CDH12: variants seen among roughly 807,000 people sequenced by gnomAD.
The protein encoded by CDH12 is cadherin-12.
In CDH12, 41 loss-of-function variants were observed where a neutral mutation model predicts 74.1. The ratio of observed to expected loss-of-function variants is 0.55; its 90% CI spans 0.43 to 0.72. The LOEUF (loss-of-function observed/expected upper bound fraction) is 0.72. Among genes scored for constraint, CDH12 ranks in the 30% least tolerant of loss-of-function variants. The pLI, the probability that CDH12 is intolerant of heterozygous loss-of-function variation, is 0.00. For missense variants in CDH12, 945 were observed against 977.2 expected, an observed-to-expected ratio of 0.97 and a Z score of 0.44; for synonymous variants, 399 against 355.0, an observed-to-expected ratio of 1.12 and a Z score of -1.39.
At chr5:22,013,004 C>T (rs2150154216) in intron 5 of CDH12, among the ~76,000 whole-genome samples, 1 of 148,018 alleles carries the variant, frequency 6.8e-6, no homozygotes, top group African/African-American at 2.5e-5. Context: ...AATTGTATTA[C>T]AATTTATACC....
chr5:22,602,458 G>T lies in CDH12; in HGVS notation c.-522-97094C>A, dbSNP rs571218166. 4.2e-4 allele frequency among the ~76,000 whole-genome samples: 64 copies of T among 152,198 alleles called. No individual in the cohort carries two copies. The South Asian group carries it at 8.3e-3, about 20-fold the overall frequency. Reference sequence around the variant, plus strand: ...AGCAAGTAAGTACAAAATGAAGCTTGCTTGTTGTTTTATCATTTCCTCCAG... The same window carrying T: ...AGCAAGTAAGTACAAAATGAAGCTTTCTTGTTGTTTTATCATTTCCTCCAG... On this transcript the variant is annotated intron_variant, in intron 1 of 14. Coordinates refer to ENST00000382254, the MANE Select transcript of CDH12 (RefSeq NM_004061.5).
chr5:22,447,634 T>G (rs919141603), intron 2 of CDH12, among the ~76,000 whole-genome samples: 2 of 152,096 alleles, frequency 1.3e-5, no homozygotes, highest in African/African-American at 2.4e-5. Context: ...AACTATTTTT[T>G]AAATTTGGCT....
chr5:22,283,185 T>A (rs1306744744), intron 3 of CDH12, among the ~76,000 whole-genome samples: 1 of 134,206 alleles, frequency 7.5e-6, no homozygotes, highest in Non-Finnish European at 1.6e-5. Context: ...AACAAATAAT[T>A]CCTGGAGGAA....
chr5:22,605,719 C>G (rs985710825), intron 1 of CDH12, among the ~76,000 whole-genome samples: 1 of 152,258 alleles, frequency 6.6e-6, no homozygotes, highest in Non-Finnish European at 1.5e-5. Context: ...AAAGTCAGGC[C>G]ATCGCTCCAC....
intron 4 of CDH12, among the ~76,000 whole-genome samples, chr5:22,204,162 G>GGTTTTTTTTTTTTTTTTTTTT (rs1554020485): frequency 1.5e-5 from 2 of 129,844 alleles, no homozygotes. Flanking sequence ...TGTTTTGTTT[G>GGTTTTTTTTTTTTTTTTTTTT]TTTTTTTTTT....
intron 1 of CDH12, among the ~76,000 whole-genome samples, chr5:22,513,097 T>A (rs1005089435): frequency 1.3e-5 from 2 of 152,084 alleles, no homozygotes; most frequent in Non-Finnish European, 2.9e-5. Flanking sequence ...AAAAACACCA[T>A]GTTATAAAAG....
intron 9 of CDH12, 86 bp downstream of exon 9, chr5:21,816,859 A>G: frequency 1.0e-6 from 1 of 997,046 alleles, no homozygotes; most frequent in South Asian, 1.9e-5. Context: ...AAGGAAAATT[A>G]AAATTACTTG....
intron 3 of CDH12, among the ~76,000 whole-genome samples, chr5:22,393,252 C>A (rs1217040180): frequency 2.6e-5 from 4 of 151,532 alleles, no homozygotes; most frequent in African/African-American, 9.7e-5. Flanking sequence ...ACAATTTTAC[C>A]AAAAAAAGGA....
At chr5:22,742,305 A>G (rs1386100005) in intron 1 of CDH12, among the ~76,000 whole-genome samples, 1 of 152,184 alleles carries the variant, frequency 6.6e-6, no homozygotes, top group African/African-American at 2.4e-5. Context: ...TGTCACTGCA[A>G]TCAAGATCCT....
chr5:22,627,464 T>C (rs1371296326), intron 1 of CDH12, among the ~76,000 whole-genome samples: 1 of 149,170 alleles, frequency 6.7e-6, no homozygotes, highest in Non-Finnish European at 1.5e-5. Flanking sequence ...AAAAAGAAAC[T>C]CTGATCAAGG....
chr5:21,768,253 T>C (rs530330305), intron 11 of CDH12, among the ~76,000 whole-genome samples: 2 of 151,932 alleles, frequency 1.3e-5, no homozygotes, highest in African/African-American at 2.4e-5. Context: ...TTGAGGCTCA[T>C]ATCAGATAAC....
At chr5:22,389,438 T>C (rs756246071) in intron 3 of CDH12, among the ~76,000 whole-genome samples, 2 of 152,122 alleles carry the variant, frequency 1.3e-5, no homozygotes, top group Non-Finnish European at 2.9e-5. Flanking sequence ...ATGAATGATA[T>C]GGATTCTAGA....
intron 4 of CDH12, among the ~76,000 whole-genome samples, chr5:22,093,719 T>C (rs1375637631): frequency 6.6e-6 from 1 of 152,134 alleles, no homozygotes; most frequent in Non-Finnish European, 1.5e-5. Flanking sequence ...ACTATGTGAA[T>C]ATAGTAATAA....
intron 1 of CDH12, among the ~76,000 whole-genome samples, chr5:22,832,236 TG>T (rs1290294830): frequency 1.3e-5 from 2 of 152,178 alleles, no homozygotes; most frequent in Non-Finnish European, 2.9e-5. Context: ...AAAATGTAGT[TG>T]CTTGGAAGAT....
chr5:22,060,749 C>A (rs114139265), intron 5 of CDH12, among the ~76,000 whole-genome samples: 8 of 151,988 alleles, frequency 5.3e-5, no homozygotes, highest in Non-Finnish European at 1.0e-4. Flanking sequence ...GTTTATATAG[C>A]AAACAACATT....
chr5:22,015,531 C>A (rs779150206), intron 5 of CDH12, among the ~76,000 whole-genome samples: 11 of 152,106 alleles, frequency 7.2e-5, no homozygotes, highest in Non-Finnish European at 1.3e-4. Context: ...TGAATATATG[C>A]AGCATTTAGA....
chr5:22,782,522 T>C (rs1464440772), intron 1 of CDH12, among the ~76,000 whole-genome samples: 1 of 152,166 alleles, frequency 6.6e-6, no homozygotes, highest in Non-Finnish European at 1.5e-5. Context: ...TTCCCAGCCA[T>C]GCAAAACTGT....
At chr5:22,359,186 T>C (rs1385077083) in intron 3 of CDH12, among the ~76,000 whole-genome samples, 1 of 152,094 alleles carries the variant, frequency 6.6e-6, no homozygotes, top group Non-Finnish European at 1.5e-5. Flanking sequence ...AGGAAACCCA[T>C]TTCATGTGCA....
At chr5:22,504,020 C>A (rs780385869) in intron 2 of CDH12, among the ~76,000 whole-genome samples, 8 of 151,848 alleles carry the variant, frequency 5.3e-5, no homozygotes, top group Non-Finnish European at 7.4e-5. Flanking sequence ...TGGACTGAAA[C>A]CCCAAACCAA....
Sources: gnomAD v4.1 joint callset for allele counts (sites outside exome capture counted in the v4.1 genomes callset) on GRCh38, gnomAD v4.1.1 for gene constraint, MANE v1.5 for transcripts, NCBI Gene and HGNC (gene_info 2026-07-23, HGNC 2026-07-21) for gene names.